The following RAPH1 variants were observed in gnomAD, a reference collection of about 807,000 sequenced individuals.
RAPH1 encodes Ras association (RalGDS/AF-6) and pleckstrin homology domains 1, also known as ras-associated and pleckstrin homology domains-containing protein 1.
Under a neutral mutation model 88.1 loss-of-function variants are expected in RAPH1, and 18 were observed. That is an observed-to-expected ratio of 0.20 (90% CI 0.14 to 0.30). RAPH1 has a LOEUF of 0.30. RAPH1 is among the 10% of genes least tolerant of loss of function. The pLI is 1.00. For missense variants in RAPH1, 1,448 were observed against 1,543.2 expected (o/e 0.94, Z 1.03); for synonymous variants, 587 against 559.0 (o/e 1.05, Z -0.71).
At chr2:203,460,550 T>C (rs932466501) in intron 6 of RAPH1, among the ~76,000 whole-genome samples, 2 of 152,202 alleles carry the variant, frequency 1.3e-5, no homozygotes, top group African/African-American at 4.8e-5. Context: ...TGAAATTTGT[T>C]AATGTGCTTT....
chr2:203,506,396 A>G (rs1050747823), intron 1 of RAPH1, among the ~76,000 whole-genome samples: 2 of 152,084 alleles, frequency 1.3e-5, no homozygotes, highest in Non-Finnish European at 2.9e-5. Context: ...CACAAAAAGT[A>G]ACAGACACCT....
At chr2:203,511,955 C>CA (rs961885383) in intron 1 of RAPH1, among the ~76,000 whole-genome samples, 12 of 151,450 alleles carry the variant, frequency 7.9e-5, no homozygotes, top group African/African-American at 1.2e-4. Flanking sequence ...ACTGAAAATA[C>CA]AAAAAAAATT....
chr2:203,442,929 C>G (rs993971014), intron 13 of RAPH1: 1 of 152,086 alleles, frequency 6.6e-6, no homozygotes, highest in Admixed American at 6.5e-5. Flanking sequence ...TTCTGTAAAC[C>G]AACTTCTTTA....
rs1206986277 is a variant in RAPH1 at position 203,506,844 on chromosome 2, ATC to A, written c.1-11493_1-11492del. ...TCTATATATATATCTATATCTATAT[ATC>A]TATCTATATCTATATATATATATAT... On this transcript the variant is annotated intron_variant, in intron 1 of 13. Transcript: ENST00000319170. Among the ~76,000 whole-genome samples, 46 of 19,524 alleles carry A rather than the reference ATC, an allele frequency of 2.4e-3. 4 individuals are homozygous for A. Among genetic ancestry groups the A allele is most frequent in the African/African-American group, 3.9e-3 (30 of 7,618 alleles). The allele number at this position is 19,524 out of a possible 152,430, so 12.8% of individuals were successfully genotyped here.
At position 203,506,780 on chromosome 2, in the gene RAPH1, CTA is replaced by C. The variant is rs1324492852; in HGVS notation, c.1-11429_1-11428del. Among the ~76,000 whole-genome samples, 114 of 77,688 alleles carry C rather than the reference CTA, an allele frequency of 1.5e-3. 3 individuals are homozygous for C. The highest frequency in any genetic ancestry group is 2.2e-3 in the Non-Finnish European group (95 of 42,954). 51.0% of individuals were successfully genotyped at this position (77,688 alleles called of 152,430 possible). A position where few individuals can be genotyped will look rare whatever the true frequency, so the allele number is the denominator to read the frequency against. Reference sequence around the variant, plus strand: ...TATCTATATATATATCTATATATATCTAGATATATATATCTATATATATATCT... The same window carrying C: ...TATCTATATATATATCTATATATATCGATATATATATCTATATATATATCT... On this transcript the variant is annotated intron_variant, in intron 1 of 13. Transcript: ENST00000319170.
At position 203,461,301 on chromosome 2, in the gene RAPH1, G is replaced by A. The variant is rs377017287; in HGVS notation, c.918C>T (p.Cys306=). 3.9e-5 allele frequency: 63 copies of A among 1,607,910 alleles called. No homozygotes were observed. The highest frequency in any genetic ancestry group is 1.7e-4 in the Middle Eastern group (1 of 6,044). Residue 306 remains cysteine (C), a synonymous_variant, in exon 6 of 14, where the codon TGC becomes TGT. Transcript: ENST00000319170. ...VLDNLMDKSH[C]GYSLDWSLVE... Reference sequence around the variant, plus strand: ...CCAGTGACCAGTCTAAACTATAACCGCAGTGGGATTTGTCCATCAGGTTAT... The same window carrying A: ...CCAGTGACCAGTCTAAACTATAACCACAGTGGGATTTGTCCATCAGGTTAT...
At chr2:203,445,908 C>G (rs2098509109) in intron 12 of RAPH1, 1 of 152,188 alleles carries the variant, frequency 6.6e-6, no homozygotes, top group African/African-American at 2.4e-5. Flanking sequence ...ACATACCCGG[C>G]ATCCAGTTTA....
chr2:203,479,732 G>A (rs1235503786), intron 4 of RAPH1, among the ~76,000 whole-genome samples: 4 of 151,986 alleles, frequency 2.6e-5, no homozygotes, highest in East Asian at 1.9e-4. Flanking sequence ...AAGGATATAT[G>A]TGAAGTGACA....
In RAPH1 at chr2:203,517,663, T is replaced by C. The variant is rs527978591; in HGVS notation, c.-1+17448A>G. 1.2e-4 allele frequency among the ~76,000 whole-genome samples: 19 copies of C among 152,244 alleles called. 1 individual carries two copies. The South Asian group carries it at 2.3e-3, about 18-fold the overall frequency. On this transcript the variant is annotated intron_variant, in intron 1 of 13. Coordinates refer to ENST00000319170, the MANE Select transcript of RAPH1 (RefSeq NM_213589.3). Reference sequence around the variant, plus strand: ...GTAACATAATAGAAACCATATATAATGTCTGCTCTCAGAGCACAATGTAAC... The same window carrying C: ...GTAACATAATAGAAACCATATATAACGTCTGCTCTCAGAGCACAATGTAAC...
chr2:203,520,426 G>A (rs1015365947), intron 1 of RAPH1, among the ~76,000 whole-genome samples: 4 of 151,734 alleles, frequency 2.6e-5, no homozygotes, highest in Admixed American at 6.6e-5. Context: ...TCAGGAGATC[G>A]AAACCAGCCT....
chr2:203,448,827 T>A lies in RAPH1; in HGVS notation c.1423A>T (p.Ile475Phe). 1 of 1,607,720 alleles carries A rather than the reference T, an allele frequency of 6.2e-7. No individual in the cohort carries two copies. The highest frequency in any genetic ancestry group is 8.5e-7 in the Non-Finnish European group (1 of 1,177,252). Residue 475 changes from isoleucine (I) to phenylalanine (F), a missense_variant, in exon 11 of 14, where the codon ATC becomes TTC. Coordinates refer to ENST00000319170, the MANE Select transcript of RAPH1 (RefSeq NM_213589.3). This position sits in a 1 kb window ranked among gnomAD's most constrained non-coding sequence, Gnocchi z 4.1. ...TTGATATATTGAGATTTCTTCTGGA[T>A]TTGTGGATGCTGCAAGATTAAAGAC... ...DYCLVLKHPQ[I>F]QKKSQYIKYL...
intron 1 of RAPH1, among the ~76,000 whole-genome samples, chr2:203,524,951 T>C (rs892526546): frequency 6.6e-6 from 1 of 152,244 alleles, no homozygotes; most frequent in East Asian, 1.9e-4. Flanking sequence ...TCACTTCTGA[T>C]ATATGCAATT....
At chr2:203,519,644 GATA>G (rs1328189142) in intron 1 of RAPH1, among the ~76,000 whole-genome samples, 1 of 151,828 alleles carries the variant, frequency 6.6e-6, no homozygotes, top group Admixed American at 6.6e-5. Context: ...GAAATAACAA[GATA>G]ATAATAAGAT....
At chr2:203,472,438 CTTT>C (rs1559469872) in intron 4 of RAPH1, among the ~76,000 whole-genome samples, 1 of 152,166 alleles carries the variant, frequency 6.6e-6, no homozygotes, top group Admixed American at 6.6e-5. Flanking sequence ...AGCCACGTTT[CTTT>C]ACTTCTCTAA....
intron 4 of RAPH1, among the ~76,000 whole-genome samples, chr2:203,473,558 C>T (rs2098534946): frequency 6.6e-6 from 1 of 152,008 alleles, no homozygotes; most frequent in Non-Finnish European, 1.5e-5. Flanking sequence ...ATATTTTTCA[C>T]CCTTGATTAC....
chr2:203,481,451 C>T (rs1309681150), intron 4 of RAPH1, among the ~76,000 whole-genome samples: 4 of 151,922 alleles, frequency 2.6e-5, no homozygotes, highest in Non-Finnish European at 5.9e-5. Flanking sequence ...TCTATTTTGC[C>T]CCCTTTTCTC....
rs1302944594 is a variant in RAPH1, at chr2:203,440,911, G to A, written c.2279C>T (p.Pro760Leu). ...HQVQHITQVA[P>L]PTPPPPPPIP... ...AGGAGGAGGTGGGGGGGGTGTTGGG[G>A]GAGCCACCTGAGTAATATGCTGAAC... The change falls in exon 14 of 14, where the codon CCC becomes CTC. Residue 760 changes from proline (P) to leucine (L), a missense_variant. This residue lies in a region of RAPH1 where 935 missense variants were observed against 890.1 expected (regional missense o/e 1.05). Coordinates refer to ENST00000319170, the MANE Select transcript of RAPH1 (RefSeq NM_213589.3). 2.0e-6 allele frequency: 3 copies of A among 1,476,470 alleles called. No individual in the cohort carries two copies. Among genetic ancestry groups the A allele is most frequent in the Non-Finnish European group, 2.7e-6 (3 of 1,093,690 alleles). 91.5% of individuals were successfully genotyped at this position (1,476,470 alleles called of 1,614,324 possible).
chr2:203,517,359 C>CAAAAAAAAAAAAAAAAAA (rs71408943), intron 1 of RAPH1, among the ~76,000 whole-genome samples: 322 of 31,986 alleles, frequency 0.01, 1 homozygote, highest in East Asian at 0.02. Flanking sequence ...CTATGAGAGG[C>CAAAAAAAAAAAAAAAAAA]AAAAAAAAAA....
intron 1 of RAPH1, among the ~76,000 whole-genome samples, chr2:203,525,315 A>G (rs997273353): frequency 6.6e-6 from 1 of 152,074 alleles, no homozygotes; most frequent in African/African-American, 2.4e-5. Context: ...TTTCCAGAGT[A>G]GCTGGGATTA....
Sources: gnomAD v4.1 joint callset for allele counts (sites outside exome capture counted in the v4.1 genomes callset) on GRCh38, gnomAD v4.1.1 for gene constraint, gnomAD v4.1.1 regional missense constraint, Gnocchi (gnomAD v3.1) non-coding constraint, MANE v1.5 for transcripts, NCBI Gene and HGNC (gene_info 2026-07-23, HGNC 2026-07-21) for gene names.